The following MYO3A variants were observed in gnomAD, a reference collection of about 807,000 sequenced individuals.
MYO3A encodes myosin-IIIa.
MYO3A carries 180 observed loss-of-function variants against 192.7 expected under a neutral mutation model. That is an observed-to-expected ratio of 0.93 (90% CI 0.83 to 1.06). MYO3A has a LOEUF of 1.06. MYO3A is among the 50% of genes least tolerant of loss of function. The probability of loss-of-function intolerance (pLI) is 0.00; values close to 1 mark genes in which losing one functional copy is unlikely to be tolerated. For missense variants in MYO3A, 1,896 were observed against 1,905.0 expected, an observed-to-expected ratio of 1.00 and a Z score of 0.09; for synonymous variants, 628 against 645.3, an observed-to-expected ratio of 0.97 and a Z score of 0.41.
intron 3 of MYO3A, 103 bp from the exon 4 acceptor site, chr10:25,954,771 A>C (rs1213529313): frequency 1.6e-6 from 2 of 1,231,814 alleles, no homozygotes; most frequent in Admixed American, 3.4e-5. Flanking sequence ...AACTATTATG[A>C]CCTTGACATA....
intron 17 of MYO3A, among the ~76,000 whole-genome samples, chr10:26,100,952 T>G (rs1455366847): frequency 4.6e-5 from 7 of 152,100 alleles, no homozygotes; most frequent in Admixed American, 6.6e-5. Context: ...GGATATCCTT[T>G]TTAACTTTCT....
chr10:25,981,006 C>T (rs1208571241), intron 4 of MYO3A, among the ~76,000 whole-genome samples: 1 of 152,134 alleles, frequency 6.6e-6, no homozygotes, highest in Admixed American at 6.5e-5. Flanking sequence ...ATTCATCCCT[C>T]CCTCTCCCCT....
At chr10:26,183,379 C>T (rs57140603) in intron 31 of MYO3A, among the ~76,000 whole-genome samples, 17,746 of 152,050 alleles carry the variant, frequency 0.12, 1,129 homozygotes, top group African/African-American at 0.14. Flanking sequence ...AAAAATTAGC[C>T]GGGCTTGGTG....
chr10:26,135,918 A>G (rs1324303180), intron 20 of MYO3A, among the ~76,000 whole-genome samples: 1 of 145,596 alleles, frequency 6.9e-6, no homozygotes, highest in Non-Finnish European at 1.5e-5. Context: ...GTGAGCTGAG[A>G]CTGGGTCCAC....
chr10:26,182,881 T>C (rs1842677301), intron 31 of MYO3A, among the ~76,000 whole-genome samples: 1 of 152,208 alleles, frequency 6.6e-6, no homozygotes, highest in Non-Finnish European at 1.5e-5. Context: ...ACCCTTGGTA[T>C]CACCATGTGC....
intron 4 of MYO3A, among the ~76,000 whole-genome samples, chr10:25,979,660 A>G (rs984988200): frequency 2.0e-5 from 3 of 152,186 alleles, no homozygotes; most frequent in Non-Finnish European, 2.9e-5. Context: ...AGTACTTTGC[A>G]CATAATTCTT....
intron 2 of MYO3A, 137 bp from the exon 3 acceptor site, chr10:25,951,957 G>T (rs1365275647): frequency 3.1e-6 from 2 of 634,998 alleles, no homozygotes; most frequent in South Asian, 3.9e-5. Context: ...AATTTCCTGT[G>T]ACTCTGAAAT....
At position 26,125,540 on chromosome 10, in the gene MYO3A, A is replaced by G. The variant is rs1464679502; in HGVS notation, c.2046A>G (p.Leu682=). The part of the protein sequence containing the change: ...TDVRDAMAKT[L]YGRLFSWIVN... ...TCAGGGATGCCATGGCTAAAACTTTATATGGACGTCTCTTTAGTTGGATAG... is the reference window on the plus strand; with the variant it reads ...TCAGGGATGCCATGGCTAAAACTTTGTATGGACGTCTCTTTAGTTGGATAG... The change falls in exon 19 of 35, where the codon TTA becomes TTG. Residue 682 remains leucine, a synonymous_variant. Coordinates refer to ENST00000642920, the MANE Select transcript of MYO3A (RefSeq NM_017433.5). The G allele has an allele frequency of 5.0e-6, 8 of 1,614,090 alleles. No individual in the cohort carries two copies. The highest frequency in any genetic ancestry group is 1.1e-5 in the South Asian group (1 of 91,086).
intron 18 of MYO3A, among the ~76,000 whole-genome samples, chr10:26,122,010 C>T (rs1838896079): frequency 6.6e-6 from 1 of 152,132 alleles, no homozygotes; most frequent in African/African-American, 2.4e-5. Flanking sequence ...CTCAAGGAAA[C>T]ATGTTCTAAT....
At chr10:25,936,137 AATATAT>A (rs1039451068) in intron 2 of MYO3A, among the ~76,000 whole-genome samples, 3 of 152,080 alleles carry the variant, frequency 2.0e-5, no homozygotes, top group African/African-American at 7.2e-5. Context: ...ATATCAACTT[AATATAT>A]ATGTGTATAT....
At chr10:26,154,001 T>G in intron 24 of MYO3A, 72 bp downstream of exon 24, 2 of 1,095,570 alleles carry the variant, frequency 1.8e-6, no homozygotes, top group Non-Finnish European at 2.8e-6. Flanking sequence ...TTTGTATGCT[T>G]CTCAAAGTCA....
chr10:26,166,702 T>G (rs1008554830), intron 27 of MYO3A, among the ~76,000 whole-genome samples: 12 of 152,218 alleles, frequency 7.9e-5, no homozygotes, highest in African/African-American at 2.9e-4. Flanking sequence ...GTTAAAAAGC[T>G]GTAGAGAATC....
chr10:26,160,745 G>T (rs1166878860), intron 26 of MYO3A, among the ~76,000 whole-genome samples: 1 of 152,202 alleles, frequency 6.6e-6, no homozygotes, highest in Non-Finnish European at 1.5e-5. Context: ...TGGTGTACAG[G>T]TTGGTGTGCC....
chr10:26,158,180 G>A (rs1841259904), intron 26 of MYO3A, among the ~76,000 whole-genome samples: 1 of 151,996 alleles, frequency 6.6e-6, no homozygotes, highest in Admixed American at 6.6e-5. Flanking sequence ...AAACAATTAG[G>A]TTTATGTGTC....
Position 26,143,443 on chromosome 10 carries a change from T to C in MYO3A, c.2263-5T>C. The stretch of plus-strand genomic sequence containing the variant: ...CAGTTTTAAGTGGTTTTGTCTTTAT[T>C]ATAGAATGAATACCTAAATGAAGAT... On this transcript the variant is annotated splice_region_variant and splice_polypyrimidine_tract_variant and intron_variant, in intron 20 of 34. Transcript: ENST00000642920. 1 of 1,608,676 alleles carries C rather than the reference T, an allele frequency of 6.2e-7. No individual in the cohort carries two copies. Among genetic ancestry groups the C allele is most frequent in the Admixed American group, 1.7e-5 (1 of 59,990 alleles).
At chr10:25,991,494 C>A (rs1451722627) in intron 4 of MYO3A, among the ~76,000 whole-genome samples, 1 of 152,106 alleles carries the variant, frequency 6.6e-6, no homozygotes, top group East Asian at 1.9e-4. Flanking sequence ...GTTTCTTTTG[C>A]TGTGCAGAAG....
At chr10:25,958,971 T>G (rs993375693) in intron 4 of MYO3A, among the ~76,000 whole-genome samples, 1 of 152,152 alleles carries the variant, frequency 6.6e-6, no homozygotes, top group African/African-American at 2.4e-5. Context: ...TCAGTTTGAC[T>G]GTTTTTGGTG....
chr10:26,182,850 C>T (rs1589094976), intron 31 of MYO3A, among the ~76,000 whole-genome samples: 1 of 152,222 alleles, frequency 6.6e-6, no homozygotes, highest in South Asian at 2.1e-4. Context: ...TTCTCCCCAA[C>T]AAAGACCTCA....
chr10:26,026,138 T>C (rs1163233743), intron 9 of MYO3A, among the ~76,000 whole-genome samples: 4 of 137,796 alleles, frequency 2.9e-5, no homozygotes, highest in East Asian at 1.9e-4. Flanking sequence ...TAGTTGAAAG[T>C]TGGTATCACT....
Sources: allele counts gnomAD v4.1 joint callset (sites outside exome capture counted in the v4.1 genomes callset), GRCh38; gene constraint gnomAD v4.1.1; transcripts MANE v1.5; gene names NCBI Gene and HGNC (gene_info 2026-07-23, HGNC 2026-07-21).